BBS9: variants seen among roughly 807,000 people sequenced by gnomAD.
BBS9 encodes Bardet-Biedl syndrome 9.
BBS9 carries 89 observed loss-of-function variants against 117.7 expected under a neutral mutation model. That is an observed-to-expected ratio of 0.76 (90% CI 0.64 to 0.90). BBS9 has a LOEUF of 0.90. Among genes scored for constraint, BBS9 ranks in the 40% least tolerant of loss-of-function variants. The pLI, the probability that BBS9 is intolerant of heterozygous loss-of-function variation, is 0.00. For synonymous variants in BBS9, 379 were observed against 370.9 expected (o/e 1.02, Z -0.25); for missense variants, 982 against 1,042.2 (o/e 0.94, Z 0.80).
intron 6 of BBS9, among the ~76,000 whole-genome samples, chr7:33,261,257 T>C (rs73689894): frequency 0.026 from 4,023 of 152,324 alleles, 167 homozygotes; most frequent in African/African-American, 0.09. Context: ...GTATTACTTA[T>C]GCTTTCACTG....
intron 20 of BBS9, among the ~76,000 whole-genome samples, chr7:33,516,363 C>T (rs1022320413): frequency 6.6e-6 from 1 of 151,722 alleles, no homozygotes; most frequent in Non-Finnish European, 1.5e-5. Flanking sequence ...GTGGCAGGCA[C>T]CTGTAATCCC....
intron 15 of BBS9, among the ~76,000 whole-genome samples, 168 bp downstream of exon 15, chr7:33,353,041 T>C (rs1021030473): frequency 6.6e-6 from 1 of 152,166 alleles, no homozygotes; most frequent in Non-Finnish European, 1.5e-5. Flanking sequence ...GCATAGTAGA[T>C]GTTTCCACAG....
chr7:33,229,628 A>G (rs1022011727), intron 5 of BBS9, among the ~76,000 whole-genome samples: 1 of 152,148 alleles, frequency 6.6e-6, no homozygotes, highest in African/African-American at 2.4e-5. Context: ...CATTATAACT[A>G]TATACCACAG....
chr7:33,575,293 T>A (rs1302515799), intron 21 of BBS9, among the ~76,000 whole-genome samples: 5 of 152,000 alleles, frequency 3.3e-5, no homozygotes, highest in Non-Finnish European at 7.4e-5. Context: ...TTCATCAGTA[T>A]GTCTCTTAAA....
At chr7:33,435,944 G>C (rs923816486) in intron 19 of BBS9, among the ~76,000 whole-genome samples, 1 of 152,168 alleles carries the variant, frequency 6.6e-6, no homozygotes, top group African/African-American at 2.4e-5. Context: ...CCTTGGGCTA[G>C]AGGTATCACC....
chr7:33,474,722 T>A (rs959768045), intron 19 of BBS9, among the ~76,000 whole-genome samples: 1 of 152,022 alleles, frequency 6.6e-6, no homozygotes, highest in African/African-American at 2.4e-5. Context: ...CTGAGGCAGG[T>A]GGTTCACGAG....
chr7:33,244,508 T>G (rs1795034238), intron 5 of BBS9, among the ~76,000 whole-genome samples: 1 of 152,198 alleles, frequency 6.6e-6, no homozygotes, highest in Non-Finnish European at 1.5e-5. Context: ...AATTATCTGA[T>G]ATCCAAGGTA....
At chr7:33,301,599 T>A (rs1806460389) in intron 9 of BBS9, among the ~76,000 whole-genome samples, 1 of 152,198 alleles carries the variant, frequency 6.6e-6, no homozygotes. Context: ...TGGCAGGATC[T>A]CCATTTCTTT....
chr7:33,567,259 A>C (rs1464718799), intron 21 of BBS9, among the ~76,000 whole-genome samples: 1 of 152,192 alleles, frequency 6.6e-6, no homozygotes, highest in Non-Finnish European at 1.5e-5. Context: ...TTCTCCCAGC[A>C]GCATTCAAAC....
intron 19 of BBS9, among the ~76,000 whole-genome samples, chr7:33,445,040 G>A (rs961554568): frequency 6.6e-5 from 10 of 152,286 alleles, no homozygotes; most frequent in African/African-American, 2.4e-4. Flanking sequence ...GTACATGTAT[G>A]TTGAGGGGAA....
chr7:33,492,811 A>AGTGTGTGTGTGTGTGTGT (rs57870306), intron 19 of BBS9, among the ~76,000 whole-genome samples: 14 of 131,578 alleles, frequency 1.1e-4, no homozygotes, highest in South Asian at 2.5e-4. Context: ...TATAGGAGTG[A>AGTGTGTGTGTGTGTGTGT]GTGTGTGTGT....
intron 20 of BBS9, among the ~76,000 whole-genome samples, chr7:33,518,624 A>G (rs1346482640): frequency 6.6e-6 from 1 of 152,148 alleles, no homozygotes; most frequent in South Asian, 2.1e-4. Context: ...TTTGGAAGAA[A>G]AAAACCCCCC....
At chr7:33,145,405 A>G (rs1167006035) in intron 1 of BBS9, among the ~76,000 whole-genome samples, 1 of 152,196 alleles carries the variant, frequency 6.6e-6, no homozygotes, top group Non-Finnish European at 1.5e-5. Context: ...ATTCTAGATA[A>G]GAAATCAAAG....
intron 19 of BBS9, among the ~76,000 whole-genome samples, chr7:33,409,048 A>G (rs1421619194): frequency 6.6e-6 from 1 of 151,970 alleles, no homozygotes; most frequent in Non-Finnish European, 1.5e-5. Flanking sequence ...CCATTTTTTA[A>G]TGAGGTTGTT....
At chr7:33,426,180 T>C (rs1050222440) in intron 19 of BBS9, among the ~76,000 whole-genome samples, 1 of 152,158 alleles carries the variant, frequency 6.6e-6, no homozygotes, top group African/African-American at 2.4e-5. Flanking sequence ...TTACTTATAA[T>C]AGGAATTCAG....
At chr7:33,255,425 G>C (rs1456198909) in intron 5 of BBS9, among the ~76,000 whole-genome samples, 2 of 145,432 alleles carry the variant, frequency 1.4e-5, no homozygotes, top group African/African-American at 5.1e-5. Flanking sequence ...TCACCATTGT[G>C]TATTCTTGGC....
At chr7:33,351,182 A>G in intron 13 of BBS9, 37 bp from the exon 14 acceptor site, 1 of 1,430,820 alleles carries the variant, frequency 7.0e-7, no homozygotes, top group Non-Finnish European at 9.9e-7. Flanking sequence ...AGTTGCCCCA[A>G]ATTATGTAAT....
chr7:33,192,302 G>A (rs2128193808), intron 5 of BBS9, among the ~76,000 whole-genome samples: 1 of 152,196 alleles, frequency 6.6e-6, no homozygotes, highest in East Asian at 1.9e-4. Context: ...TTTACTAGAA[G>A]ACAGAAAAAA....
chr7:33,527,059 C>T (rs906341135), intron 20 of BBS9, among the ~76,000 whole-genome samples: 4 of 151,608 alleles, frequency 2.6e-5, no homozygotes, highest in African/African-American at 7.3e-5. Context: ...TTAGGCTGCT[C>T]GGGGGTCAGG....
Sources: gnomAD v4.1 joint callset for allele counts (sites outside exome capture counted in the v4.1 genomes callset) on GRCh38, gnomAD v4.1.1 for gene constraint, MANE v1.5 for transcripts, NCBI Gene and HGNC (gene_info 2026-07-23, HGNC 2026-07-21) for gene names.